ECHDC1: variants seen among roughly 807,000 people sequenced by gnomAD.
The protein encoded by ECHDC1 is ethylmalonyl-CoA decarboxylase.
Under a neutral mutation model 29.7 loss-of-function variants are expected in ECHDC1, and 29 were observed. The observed-to-expected ratio is 0.98, with a 90% confidence interval of 0.73 to 1.33. The LOEUF (loss-of-function observed/expected upper bound fraction) is 1.33, where lower values mean the gene tolerates loss of function less well. Among genes scored for constraint, ECHDC1 ranks in the 40% most tolerant of loss-of-function variants. ECHDC1 has a pLI of 0.00. For synonymous variants in ECHDC1, 126 were observed against 123.1 expected (o/e 1.02, Z -0.15); for missense variants, 328 against 350.0 (o/e 0.94, Z 0.50).
chr6:127,316,379 C>T, intron 4 of ECHDC1, 71 bp downstream of exon 4: 2 of 1,286,904 alleles, frequency 1.6e-6, no homozygotes. Flanking sequence ...TTAACTAGTA[C>T]AAATAATGGA....
At chr6:127,339,354 T>G (rs556088266) in intron 1 of ECHDC1, among the ~76,000 whole-genome samples, 1 of 150,910 alleles carries the variant, frequency 6.6e-6, no homozygotes, top group Admixed American at 6.7e-5. Context: ...TAACGCAGAA[T>G]TTTACATTAA....
chr6:127,334,774 T>C (rs1031900387), intron 1 of ECHDC1, among the ~76,000 whole-genome samples: 8 of 152,094 alleles, frequency 5.3e-5, no homozygotes, highest in African/African-American at 1.7e-4. Context: ...TGAATTTCTA[T>C]ATTTCCACCT....
intron 3 of ECHDC1, among the ~76,000 whole-genome samples, chr6:127,322,097 G>A (rs1247432155): frequency 2.0e-5 from 3 of 152,118 alleles, no homozygotes; most frequent in Non-Finnish European, 4.4e-5. Context: ...TTTGAGGTCA[G>A]GAGTTTGAGA....
rs773909580 is a variant in ECHDC1, at chr6:127,327,120, T to A, written c.245A>T (p.Glu82Val). ...CCAATTTTCCAATTCAATTACTTTT[T>A]CCAGAAGTTGTAGCATCATAACACC... ...FSGVMMLQLL[E>V]KVIELENWTE... is the part of the protein sequence containing the mutation. Residue 82 changes from glutamate (E) to valine (V), a missense_variant, in exon 3 of 6, where the codon GAA becomes GTA. Coordinates refer to ENST00000454859, the MANE Select transcript of ECHDC1 (RefSeq NM_001002030.2). 6.2e-7 allele frequency: 1 copy of A among 1,613,964 alleles called. No homozygotes were observed. The highest frequency in any genetic ancestry group is 8.5e-7 in the Non-Finnish European group (1 of 1,179,946).
intron 5 of ECHDC1, among the ~76,000 whole-genome samples, chr6:127,311,229 A>G (rs1048627850): frequency 1.3e-5 from 2 of 152,190 alleles, no homozygotes; most frequent in African/African-American, 4.8e-5. Context: ...ATGTATATGG[A>G]ACAAACACTC....
chr6:127,329,136 A>T (rs927365754), intron 2 of ECHDC1, among the ~76,000 whole-genome samples: 6 of 152,098 alleles, frequency 3.9e-5, no homozygotes, highest in Non-Finnish European at 8.8e-5. Flanking sequence ...CTTTCCTATG[A>T]TGCTGAAATG....
chr6:127,331,796 C>T, intron 1 of ECHDC1: 1 of 982,378 alleles, frequency 1.0e-6, no homozygotes. Context: ...ATCCCACTCT[C>T]TAACAGAAGT....
intron 1 of ECHDC1, among the ~76,000 whole-genome samples, chr6:127,340,481 G>C (rs2114718974): frequency 6.6e-6 from 1 of 152,314 alleles, no homozygotes; most frequent in Middle Eastern, 3.4e-3. Context: ...GGGTTCCTTA[G>C]GAATGCTTCT....
At chr6:127,296,677 T>G (rs1193039219) in intron 5 of ECHDC1, among the ~76,000 whole-genome samples, 1 of 152,168 alleles carries the variant, frequency 6.6e-6, no homozygotes, top group Non-Finnish European at 1.5e-5. Flanking sequence ...AAAAATTTTT[T>G]AATGGTCCTT....
chr6:127,310,228 A>C (rs1055089313), intron 5 of ECHDC1, among the ~76,000 whole-genome samples: 1 of 152,156 alleles, frequency 6.6e-6, no homozygotes, highest in Non-Finnish European at 1.5e-5. Context: ...TTTAAAAACA[A>C]CTAAAAGAGT....
At chr6:127,292,500 C>G (rs1310634855) in intron 5 of ECHDC1, among the ~76,000 whole-genome samples, 1 of 151,876 alleles carries the variant, frequency 6.6e-6, no homozygotes, top group African/African-American at 2.4e-5. Flanking sequence ...CTCGGGTGTG[C>G]TTATGTACTG....
intron 1 of ECHDC1, among the ~76,000 whole-genome samples, chr6:127,338,328 A>T (rs3798857): frequency 0.73 from 110,903 of 152,052 alleles, 40,628 homozygotes; most frequent in East Asian, 0.78. Flanking sequence ...AATAACTCAA[A>T]TATCTAATTG....
chr6:127,342,133 A>G (rs780814038), intron 1 of ECHDC1, among the ~76,000 whole-genome samples: 10 of 152,238 alleles, frequency 6.6e-5, no homozygotes, highest in Non-Finnish European at 1.5e-4. Context: ...AGGACTACAT[A>G]AAGTCCCCTT....
At chr6:127,304,418 C>T (rs548196186) in intron 5 of ECHDC1, among the ~76,000 whole-genome samples, 6 of 152,096 alleles carry the variant, frequency 3.9e-5, no homozygotes, top group Non-Finnish European at 8.8e-5. Context: ...AAAGCCTTTC[C>T]AAGAAGGACC....
At chr6:127,327,266 G>T in intron 2 of ECHDC1, 122 bp from the exon 3 acceptor site, 4 of 1,137,552 alleles carry the variant, frequency 3.5e-6, no homozygotes, top group Non-Finnish European at 4.8e-6. Context: ...TATTTACTGA[G>T]TGTCTATCAA....
chr6:127,309,670 A>G (rs569482869), intron 5 of ECHDC1, among the ~76,000 whole-genome samples: 28 of 152,210 alleles, frequency 1.8e-4, no homozygotes, highest in African/African-American at 5.8e-4. Flanking sequence ...CCTTTCTCAC[A>G]CTGCTATTAA....
At chr6:127,314,398 G>A (rs893026268) in intron 5 of ECHDC1, among the ~76,000 whole-genome samples, 1 of 152,072 alleles carries the variant, frequency 6.6e-6, no homozygotes, top group African/African-American at 2.4e-5. Flanking sequence ...AGAAGACAAA[G>A]GGATCTCAGA....
intron 5 of ECHDC1, among the ~76,000 whole-genome samples, chr6:127,312,815 G>A (rs943331758): frequency 1.2e-4 from 18 of 152,144 alleles, no homozygotes; most frequent in African/African-American, 3.9e-4. Flanking sequence ...GAATATCCAT[G>A]CAATAAAATA....
intron 1 of ECHDC1, among the ~76,000 whole-genome samples, chr6:127,333,754 C>T (rs1169816180): frequency 1.3e-5 from 2 of 151,478 alleles, no homozygotes; most frequent in African/African-American, 2.4e-5. Context: ...TATGCATTTG[C>T]TCAACCTTAG....
Sources: allele counts gnomAD v4.1 joint callset (sites outside exome capture counted in the v4.1 genomes callset), GRCh38; gene constraint gnomAD v4.1.1; transcripts MANE v1.5; gene names NCBI Gene and HGNC (gene_info 2026-07-23, HGNC 2026-07-21).